The following RREB1 variants were observed in gnomAD, a reference collection of about 807,000 sequenced individuals.
The protein encoded by RREB1 is ras-responsive element-binding protein 1.
In RREB1, 27 loss-of-function variants were observed where a neutral mutation model predicts 117.8. The observed-to-expected ratio is 0.23, with a 90% confidence interval of 0.17 to 0.32. The LOEUF is 0.32. Among genes scored for constraint, RREB1 ranks in the 10% least tolerant of loss-of-function variants. The pLI is 1.00. For missense variants in RREB1, 2,577 were observed against 2,378.2 expected (o/e 1.08, Z -1.74); for synonymous variants, 1,298 against 1,026.7 (o/e 1.26, Z -5.05).
intron 4 of RREB1, chr6:7,184,471 C>A (rs1764972877): frequency 6.6e-6 from 1 of 151,164 alleles, no homozygotes. Context: ...GTTGCCCAGG[C>A]TGGTCTCAAA....
intron 1 of RREB1, among the ~76,000 whole-genome samples, chr6:7,138,839 G>A (rs986225515): frequency 6.8e-4 from 103 of 152,264 alleles, no homozygotes; most frequent in African/African-American, 2.4e-3. Flanking sequence ...TGCTGGAGAA[G>A]GTAATCCTCC....
rs373803199 is a variant in RREB1, at chr6:7,231,601, G to C, written c.3502G>C (p.Gly1168Arg). 3 of 1,611,698 alleles carry C rather than the reference G, an allele frequency of 1.9e-6. No homozygotes were observed. The highest frequency in any genetic ancestry group is 2.5e-6 in the Non-Finnish European group (3 of 1,179,494). ...GAGGAGCCGACCCCGCGCCAACAGC[G>C]GCGGGGTGGACCTGGACTCCAGCGG... ...GMRSRPRANS[G>R]GVDLDSSGEF... Residue 1168 changes from glycine to arginine, a missense_variant, in exon 10 of 13, where the codon GGC (glycine) becomes CGC (arginine). Physicochemically the swap from Gly to Arg is moderately radical, Grantham distance 125. Coordinates refer to ENST00000379938, the MANE Select transcript of RREB1 (RefSeq NM_001003699.4).
chr6:7,210,829 C>A lies in RREB1; in HGVS notation c.451C>A (p.Pro151Thr). Residue 151 changes from proline to threonine, a missense_variant, in exon 7 of 13, where the codon CCT (proline) becomes ACT (threonine). Pro to Thr is a conservative substitution (Grantham distance 38). Transcript: ENST00000379938. ...HRHMKIHEKD[P>T]NSATATAPPS... Reference sequence around the variant, plus strand: ...ACATATGAAGATCCATGAGAAGGACCCTAACAGTGCCACAGCCACAGCCCC... The same window carrying A: ...ACATATGAAGATCCATGAGAAGGACACTAACAGTGCCACAGCCACAGCCCC... 1 of 1,613,680 alleles carries A rather than the reference C, an allele frequency of 6.2e-7. No individual in the cohort carries two copies. Among genetic ancestry groups the A allele is most frequent in the Non-Finnish European group, 8.5e-7 (1 of 1,179,724 alleles).
Position 7,246,903 on chromosome 6 carries a change from A to C in RREB1, c.4453A>C (p.Thr1485Pro). Reference sequence around the variant, plus strand: ...GGACGAGAAGGGAGATGGCGCCAGCACTGCAGAGGAGGGGCCCCAGCCCGC... The same window carrying C: ...GGACGAGAAGGGAGATGGCGCCAGCCCTGCAGAGGAGGGGCCCCAGCCCGC... The part of the protein sequence containing the change: ...PKDEKGDGAS[T>P]AEEGPQPAPE... The change falls in exon 12 of 13, where the codon ACT becomes CCT. Residue 1485 changes from threonine to proline, a missense_variant. Coordinates refer to ENST00000379938, the MANE Select transcript of RREB1 (RefSeq NM_001003699.4). 1 of 1,553,904 alleles carries C rather than the reference A, an allele frequency of 6.4e-7. No individual in the cohort carries two copies.
chr6:7,111,690 A>C (rs140358511), intron 1 of RREB1, among the ~76,000 whole-genome samples: 42 of 152,304 alleles, frequency 2.8e-4, no homozygotes, highest in African/African-American at 9.6e-4. Context: ...ATATTTAAAT[A>C]ATCTCTTTCT....
intron 1 of RREB1, among the ~76,000 whole-genome samples, chr6:7,168,254 GAAAAAAAAAAA>G (rs574593859): frequency 1.4e-5 from 1 of 72,930 alleles, no homozygotes; most frequent in Admixed American, 1.6e-4. Flanking sequence ...GACTCCGTCT[GAAAAAAAAAAA>G]AAAAAAAAAA....
chr6:7,153,084 G>A (rs972036255), intron 1 of RREB1, among the ~76,000 whole-genome samples: 2 of 147,888 alleles, frequency 1.4e-5, no homozygotes, highest in African/African-American at 5.0e-5. Context: ...CAGTGAAGGA[G>A]GTATTAATCT....
intron 8 of RREB1, among the ~76,000 whole-genome samples, chr6:7,224,489 G>C (rs1029922540): frequency 2.6e-5 from 4 of 152,026 alleles, no homozygotes; most frequent in African/African-American, 7.2e-5. Context: ...ACCATGGGGA[G>C]GGTGCAATTG....
In RREB1 at chr6:7,249,014, C is replaced by A; in HGVS notation, c.*46C>A. The A allele has an allele frequency of 7.3e-7, 1 of 1,372,670 alleles. No homozygotes were observed. Among genetic ancestry groups the A allele is most frequent in the Non-Finnish European group, 9.5e-7 (1 of 1,048,096 alleles). 85.0% of individuals were successfully genotyped at this position (1,372,670 alleles called of 1,614,324 possible). A position where few individuals can be genotyped will look rare whatever the true frequency, so the allele number is the denominator to read the frequency against. The stretch of plus-strand genomic sequence containing the variant: ...ACAGACAAAAGCCAGCAGAGCAAAG[C>A]GTCTATACTTCATGGGGTTTCCTCA... On this transcript the variant is annotated 3_prime_UTR_variant, in exon 13 of 13. Coordinates refer to ENST00000379938, the MANE Select transcript of RREB1 (RefSeq NM_001003699.4).
chr6:7,130,923 T>C (rs1302412518), intron 1 of RREB1, among the ~76,000 whole-genome samples: 15 of 136,966 alleles, frequency 1.1e-4, no homozygotes, highest in Admixed American at 1.5e-4. Flanking sequence ...CTGTTAATAG[T>C]CATGTCTTTT....
chr6:7,243,732 G>A (rs1581594656), intron 11 of RREB1, among the ~76,000 whole-genome samples: 2 of 152,264 alleles, frequency 1.3e-5, no homozygotes, highest in South Asian at 4.2e-4. Context: ...TTGTACTCCG[G>A]GTGATCTCTC....
At chr6:7,163,166 G>A (rs1763751585) in intron 1 of RREB1, among the ~76,000 whole-genome samples, 1 of 152,168 alleles carries the variant, frequency 6.6e-6, no homozygotes, top group Admixed American at 6.5e-5. Context: ...TTAACTACAA[G>A]GAATAAAGAG....
chr6:7,127,632 G>A (rs753790747), intron 1 of RREB1, among the ~76,000 whole-genome samples: 4 of 152,202 alleles, frequency 2.6e-5, no homozygotes, highest in Admixed American at 1.3e-4. Flanking sequence ...TCGTAACCAC[G>A]AGTTTGGTGT....
At chr6:7,237,718 C>T (rs1033764834) in intron 10 of RREB1, among the ~76,000 whole-genome samples, 6 of 152,150 alleles carry the variant, frequency 3.9e-5, no homozygotes, top group Non-Finnish European at 8.8e-5. Flanking sequence ...TTTTTGAAAC[C>T]TGCGTTATTA....
intron 6 of RREB1, among the ~76,000 whole-genome samples, chr6:7,203,966 A>G (rs1766129565): frequency 1.3e-5 from 2 of 152,258 alleles, no homozygotes; most frequent in Middle Eastern, 3.4e-3. Context: ...CTAACTGGCC[A>G]GTGGTGGTGG....
chr6:7,178,029 G>T (rs1026475712), intron 2 of RREB1, among the ~76,000 whole-genome samples: 19 of 151,874 alleles, frequency 1.3e-4, no homozygotes, highest in African/African-American at 4.4e-4. Context: ...GGCCCCGGCT[G>T]ATTTTTATTT....
chr6:7,248,396 CGGAGTCCT>C, intron 12 of RREB1, 107 bp from the exon 13 acceptor site: 1 of 842,120 alleles, frequency 1.2e-6, no homozygotes, highest in Non-Finnish European at 1.9e-6. Flanking sequence ...CTGAGTAGGA[CGGAGTCCT>C]GGCCCCCCGC....
intron 1 of RREB1, among the ~76,000 whole-genome samples, chr6:7,148,908 C>T (rs143970725): frequency 2.6e-5 from 4 of 152,072 alleles, no homozygotes; most frequent in Non-Finnish European, 4.4e-5. Flanking sequence ...GTCCAAATAC[C>T]ATACCAGGTT....
intron 1 of RREB1, among the ~76,000 whole-genome samples, chr6:7,134,605 A>T (rs1455943250): frequency 1.3e-5 from 2 of 152,218 alleles, no homozygotes; most frequent in African/African-American, 4.8e-5. Context: ...AACTCTATCG[A>T]CATTTTAGTG....
Sources: allele counts gnomAD v4.1 joint callset (sites outside exome capture counted in the v4.1 genomes callset), GRCh38; gene constraint gnomAD v4.1.1; transcripts MANE v1.5; gene names NCBI Gene and HGNC (gene_info 2026-07-23, HGNC 2026-07-21).